The following ACER2 variants were observed in gnomAD, a reference collection of about 807,000 sequenced individuals.
ACER2 encodes alkCDase 2.
In ACER2, 26 loss-of-function variants were observed where a neutral mutation model predicts 34.7. The ratio of observed to expected loss-of-function variants is 0.75; its 90% CI spans 0.55 to 1.04. ACER2 has a LOEUF of 1.04. ACER2 is among the 50% of genes least tolerant of loss of function. ACER2 has a pLI of 0.00. For missense variants in ACER2, 352 were observed against 340.8 expected (o/e 1.03, Z -0.26); for synonymous variants, 138 against 132.1 (o/e 1.04, Z -0.31).
intron 4 of ACER2, among the ~76,000 whole-genome samples, chr9:19,444,662 G>A (rs1436112644): frequency 6.6e-6 from 1 of 152,224 alleles, no homozygotes; most frequent in Non-Finnish European, 1.5e-5. Context: ...GTGGGAAGAA[G>A]CCTGGAGACT....
intron 4 of ACER2, among the ~76,000 whole-genome samples, chr9:19,437,441 C>T (rs539367090): frequency 6.6e-6 from 1 of 152,254 alleles, no homozygotes. Flanking sequence ...TTTCATCTGT[C>T]ACCTCCTCCC....
chr9:19,436,768 C>T (rs1322970692), intron 4 of ACER2, among the ~76,000 whole-genome samples: 1 of 152,116 alleles, frequency 6.6e-6, no homozygotes, highest in Admixed American at 6.5e-5. Context: ...TAGGTTGTTT[C>T]CAGTTTTTCA....
chr9:19,446,145 T>G (rs1831351648), intron 4 of ACER2, 136 bp from the exon 5 acceptor site: 3 of 1,216,436 alleles, frequency 2.5e-6, no homozygotes, highest in South Asian at 2.4e-5. Flanking sequence ...GTGGAGTGAC[T>G]GTGTGTTGGG....
intron 1 of ACER2, chr9:19,409,820 C>A (rs138888622): frequency 2.0e-6 from 2 of 985,348 alleles, no homozygotes; most frequent in African/African-American, 3.5e-5. Context: ...CAGGACTGTG[C>A]TTTCTCCAGT....
intron 1 of ACER2, among the ~76,000 whole-genome samples, chr9:19,415,631 A>T (rs1352169996): frequency 6.6e-6 from 1 of 152,250 alleles, no homozygotes; most frequent in Non-Finnish European, 1.5e-5. Flanking sequence ...AAATACATTT[A>T]AAAGTGATTA....
chr9:19,414,403 A>C (rs1024520921), intron 1 of ACER2, among the ~76,000 whole-genome samples: 1 of 152,216 alleles, frequency 6.6e-6, no homozygotes, highest in African/African-American at 2.4e-5. Flanking sequence ...TCAGGATGAG[A>C]CTGCAGTATG....
At chr9:19,439,686 G>A (rs1460588557) in intron 4 of ACER2, among the ~76,000 whole-genome samples, 1 of 152,072 alleles carries the variant, frequency 6.6e-6, no homozygotes, top group Non-Finnish European at 1.5e-5. Context: ...AAGCTCCATC[G>A]GCTGGGCTTG....
intron 3 of ACER2, among the ~76,000 whole-genome samples, chr9:19,426,258 A>ATCTCTTTCTTTCTT (rs961914292): frequency 6.8e-6 from 1 of 147,686 alleles, no homozygotes; most frequent in Non-Finnish European, 1.5e-5. Context: ...TAACACATTA[A>ATCTCTTTCTTTCTT]TCTCTTTCTT....
At chr9:19,440,753 C>G (rs1017539661) in intron 4 of ACER2, among the ~76,000 whole-genome samples, 1 of 152,186 alleles carries the variant, frequency 6.6e-6, no homozygotes, top group Non-Finnish European at 1.5e-5. Flanking sequence ...TTTAATTCCT[C>G]TACATATGTG....
chr9:19,409,977 G>C (rs1830039821), intron 1 of ACER2: 2 of 973,808 alleles, frequency 2.1e-6, no homozygotes, highest in Admixed American at 6.2e-5. Context: ...AAGGGTTGCA[G>C]CTGGGAGAGG....
Position 19,444,428 on chromosome 9 carries a change from G to C in ACER2, c.504-1853G>C, listed in dbSNP as rs1053590295. 4.6e-5 allele frequency among the ~76,000 whole-genome samples: 7 copies of C among 152,034 alleles called. No homozygotes were observed. The East Asian group carries it at 1.4e-3, about 30-fold the overall frequency. ...GAGGTTTCACCGGATTAGCCAGGAT[G>C]GTCTCGATCTCCTGACCTCTGGTCC... On this transcript the variant is annotated intron_variant, in intron 4 of 5. Coordinates refer to ENST00000340967, the MANE Select transcript of ACER2 (RefSeq NM_001010887.3).
chr9:19,434,829 G>T (rs1406450035), intron 3 of ACER2, 118 bp from the exon 4 acceptor site: 5 of 1,335,500 alleles, frequency 3.7e-6, no homozygotes, highest in Non-Finnish European at 5.2e-6. Flanking sequence ...TTGGTACTTA[G>T]CGCAGAATTT....
intron 5 of ACER2, among the ~76,000 whole-genome samples, chr9:19,449,330 A>G (rs1831482765): frequency 6.6e-6 from 1 of 152,162 alleles, no homozygotes; most frequent in East Asian, 1.9e-4. Context: ...GGTTCATACC[A>G]TTCTCACCTA....
At chr9:19,444,157 AAAAAAAAAAAAGAAAAG>A (rs1831256522) in intron 4 of ACER2, among the ~76,000 whole-genome samples, 1 of 147,128 alleles carries the variant, frequency 6.8e-6, no homozygotes, top group African/African-American at 2.5e-5. Context: ...GATGAGCTAA[AAAAAAAAAAAAGAAAAG>A]AAAAAAAAAA....
intron 3 of ACER2, among the ~76,000 whole-genome samples, 179 bp from the exon 4 acceptor site, chr9:19,434,768 T>G (rs1363243755): frequency 2.0e-5 from 3 of 152,142 alleles, no homozygotes; most frequent in Non-Finnish European, 4.4e-5. Context: ...CCCTCTCTTT[T>G]TTTTTTTAAG....
chr9:19,419,222 A>G (rs969996651), intron 1 of ACER2, among the ~76,000 whole-genome samples: 3 of 152,182 alleles, frequency 2.0e-5, no homozygotes, highest in African/African-American at 4.8e-5. Context: ...CCTACTGCAT[A>G]TACAGTATAG....
chr9:19,410,596 G>C (rs1246951792), intron 1 of ACER2, among the ~76,000 whole-genome samples: 1 of 152,150 alleles, frequency 6.6e-6, no homozygotes, highest in African/African-American at 2.4e-5. Flanking sequence ...TGTCGTCCCA[G>C]CTACTTGGGA....
At chr9:19,426,512 A>G (rs1830577733) in intron 3 of ACER2, among the ~76,000 whole-genome samples, 1 of 151,832 alleles carries the variant, frequency 6.6e-6, no homozygotes, top group Non-Finnish European at 1.5e-5. Flanking sequence ...GAGCTGAGGA[A>G]TCGCTTTTCT....
At chr9:19,441,263 A>T (rs573105195) in intron 4 of ACER2, among the ~76,000 whole-genome samples, 1 of 151,974 alleles carries the variant, frequency 6.6e-6, no homozygotes, top group Non-Finnish European at 1.5e-5. Flanking sequence ...GTTAGCCAGG[A>T]TGGTCTCAAT....
Sources: allele counts gnomAD v4.1 joint callset (sites outside exome capture counted in the v4.1 genomes callset), GRCh38; gene constraint gnomAD v4.1.1; transcripts MANE v1.5; gene names NCBI Gene and HGNC (gene_info 2026-07-23, HGNC 2026-07-21).